Variants in LDB2 observed in about 807,000 individuals in gnomAD.
The protein encoded by LDB2 is LIM domain-binding protein 2.
A neutral mutation model predicts 44.3 loss-of-function variants in LDB2; 12 were observed. That is an observed-to-expected ratio of 0.27 (90% CI 0.17 to 0.44). The LOEUF is 0.44. Among genes scored for constraint, LDB2 ranks in the 20% least tolerant of loss-of-function variants. The pLI, the probability that LDB2 is intolerant of heterozygous loss-of-function variation, is 1.00. For synonymous variants in LDB2, 164 were observed against 174.8 expected, an observed-to-expected ratio of 0.94 and a Z score of 0.49; for missense variants, 344 against 473.5, an observed-to-expected ratio of 0.73 and a Z score of 2.54.
intron 1 of LDB2, among the ~76,000 whole-genome samples, chr4:16,881,584 G>A (rs975224850): frequency 1.4e-5 from 2 of 145,586 alleles, no homozygotes; most frequent in Admixed American, 7.1e-5. Context: ...ACTGTCATTC[G>A]GGGAGGGGAA....
rs1560285238 is a variant in LDB2 at position 16,502,321 on chromosome 4, T to C, written c.*322A>G. The C allele has an allele frequency of 3.3e-6, 1 of 303,778 alleles. No homozygotes were observed. The highest frequency in any genetic ancestry group is 6.2e-6 in the Non-Finnish European group (1 of 160,238). 18.8% of individuals were successfully genotyped at this position (303,778 alleles called of 1,614,324 possible). The stretch of plus-strand genomic sequence containing the variant: ...GACAATATGGCCTTCGTTTGATGCA[T>C]AAAAAGGAAATTCAACACAAACACG... On this transcript the variant is annotated 3_prime_UTR_variant, in exon 8 of 8. Coordinates refer to ENST00000304523, the MANE Select transcript of LDB2 (RefSeq NM_001290.5).
chr4:16,814,342 A>C (rs1780516789), intron 1 of LDB2, among the ~76,000 whole-genome samples: 1 of 152,212 alleles, frequency 6.6e-6, no homozygotes. Context: ...ACCTAGATTC[A>C]GACAGTTGGA....
intron 2 of LDB2, among the ~76,000 whole-genome samples, chr4:16,680,181 A>T (rs929196259): frequency 1.3e-5 from 2 of 152,168 alleles, no homozygotes; most frequent in Non-Finnish European, 2.9e-5. Context: ...ATCCTTCTGA[A>T]AATCCTTGCC....
rs138213117 is a variant in LDB2, at chr4:16,803,183, C to A, written c.133-43923G>T. Among the ~76,000 whole-genome samples, 428 of 152,260 alleles carry A rather than the reference C, an allele frequency of 2.8e-3. 2 individuals are homozygous for A. Among genetic ancestry groups the A allele is most frequent in the Admixed American group, 4.2e-3 (64 of 15,294 alleles). On this transcript the variant is annotated intron_variant, in intron 1 of 7. Coordinates refer to ENST00000304523, the MANE Select transcript of LDB2 (RefSeq NM_001290.5). Reference sequence around the variant, plus strand: ...TAAATTTAGATTTAGAACTCACTGACCCTAGTTTGTTGGTTTCTTTTACCG... The same window carrying A: ...TAAATTTAGATTTAGAACTCACTGAACCTAGTTTGTTGGTTTCTTTTACCG...
chr4:16,785,700 G>A (rs1184807709), intron 1 of LDB2, among the ~76,000 whole-genome samples: 2 of 152,148 alleles, frequency 1.3e-5, no homozygotes, highest in Non-Finnish European at 2.9e-5. Flanking sequence ...TGGCTGGCAG[G>A]CTCACACTCC....
Position 16,763,592 on chromosome 4 carries a change from G to A in LDB2, c.133-4332C>T, listed in dbSNP as rs116779473. Among the ~76,000 whole-genome samples the A allele has an allele frequency of 3.6e-3, 555 of 152,292 alleles. 2 individuals carry two copies. The highest frequency in any genetic ancestry group is 5.4e-3 in the Non-Finnish European group (369 of 68,028). ...AGTGTTGGGTATAGGCCATTCTTGT[G>A]TTGGCTGTATATGAAGGAAGCTTAT... On this transcript the variant is annotated intron_variant, in intron 1 of 7. Transcript: ENST00000304523.
At chr4:16,524,044 G>A (rs1362490439) in intron 5 of LDB2, among the ~76,000 whole-genome samples, 1 of 152,158 alleles carries the variant, frequency 6.6e-6, no homozygotes, top group Non-Finnish European at 1.5e-5. Flanking sequence ...CCAAGCAATA[G>A]GTCTGATGTT....
intron 5 of LDB2, among the ~76,000 whole-genome samples, chr4:16,515,667 A>AT (rs1285823288): frequency 4.0e-5 from 6 of 151,754 alleles, no homozygotes; most frequent in African/African-American, 9.7e-5. Context: ...ATTTTAGAGT[A>AT]TTTTTTTTAG....
intron 2 of LDB2, among the ~76,000 whole-genome samples, chr4:16,717,117 A>C (rs1757212563): frequency 6.6e-6 from 1 of 151,770 alleles, no homozygotes; most frequent in Non-Finnish European, 1.5e-5. Flanking sequence ...AAATCCATCC[A>C]TAGTAGCTTT....
intron 2 of LDB2, among the ~76,000 whole-genome samples, chr4:16,674,639 A>C (rs1745765065): frequency 6.6e-6 from 1 of 152,190 alleles, no homozygotes; most frequent in Admixed American, 6.5e-5. Flanking sequence ...GGATTCAAAC[A>C]CTGGTCCGTC....
At chr4:16,719,104 C>T (rs2152678764) in intron 2 of LDB2, among the ~76,000 whole-genome samples, 1 of 151,618 alleles carries the variant, frequency 6.6e-6, no homozygotes, top group South Asian at 2.1e-4. Context: ...AACCTATTTT[C>T]TACTCAGTGG....
chr4:16,828,521 G>A (rs1355662363), intron 1 of LDB2, among the ~76,000 whole-genome samples: 3 of 152,202 alleles, frequency 2.0e-5, no homozygotes, highest in African/African-American at 7.2e-5. Flanking sequence ...GAGGTACACA[G>A]TCCATGAGCA....
At chr4:16,538,137 C>T (rs1732487176) in intron 5 of LDB2, among the ~76,000 whole-genome samples, 1 of 152,118 alleles carries the variant, frequency 6.6e-6, no homozygotes, top group Non-Finnish European at 1.5e-5. Flanking sequence ...TGGCTCATGT[C>T]CTGGGACTTC....
intron 1 of LDB2, among the ~76,000 whole-genome samples, chr4:16,892,152 T>G (rs1163620347): frequency 6.6e-6 from 1 of 152,196 alleles, no homozygotes; most frequent in Non-Finnish European, 1.5e-5. Flanking sequence ...GTATATACCT[T>G]TCACTACAGG....
chr4:16,520,207 G>A (rs531841117), intron 5 of LDB2, among the ~76,000 whole-genome samples: 27 of 152,020 alleles, frequency 1.8e-4, no homozygotes, highest in South Asian at 8.3e-4. Flanking sequence ...TGATGGGGGT[G>A]GGGGGAGATT....
intron 1 of LDB2, among the ~76,000 whole-genome samples, chr4:16,795,772 C>T (rs1776617335): frequency 6.6e-6 from 1 of 152,148 alleles, no homozygotes; most frequent in Non-Finnish European, 1.5e-5. Context: ...CCTGTAGGAC[C>T]AGTACATAAT....
At chr4:16,799,557 C>A (rs1165155275) in intron 1 of LDB2, among the ~76,000 whole-genome samples, 1 of 152,236 alleles carries the variant, frequency 6.6e-6, no homozygotes, top group Non-Finnish European at 1.5e-5. Flanking sequence ...TAGGTTCCTG[C>A]CAACCTGTAA....
Position 16,508,529 on chromosome 4 carries a change from A to T in LDB2, c.891+6T>A, listed in dbSNP as rs1720476683. 5 of 1,554,090 alleles carry T rather than the reference A, an allele frequency of 3.2e-6. No homozygotes were observed. The highest frequency in any genetic ancestry group is 4.4e-6 in the Non-Finnish European group (5 of 1,145,678). On this transcript the variant is annotated splice_donor_region_variant and intron_variant, in intron 7 of 7. Coordinates refer to ENST00000304523, the MANE Select transcript of LDB2 (RefSeq NM_001290.5). ...ATTTCGGGCCTAAGAGGAAAGCGAG[A>T]CTTACAGGTACCTGACTGGACAGAC... is the stretch of plus-strand genomic sequence containing the variant.
chr4:16,763,073 CCACACACACACACA>C lies in LDB2; in HGVS notation c.133-3827_133-3814del, dbSNP rs57168902. On this transcript the variant is annotated intron_variant, in intron 1 of 7. Transcript: ENST00000304523. ...GGGAGAATGGGCACATTAGGTAACA[CCACACACACACACA>C]CACACACACACACACACACACACAC... Among the ~76,000 whole-genome samples the C allele has an allele frequency of 5.1e-3, 719 of 140,218 alleles. 6 individuals are homozygous for C. Among genetic ancestry groups the C allele is most frequent in the African/African-American group, 0.015 (565 of 38,004 alleles). 92.0% of individuals were successfully genotyped at this position (140,218 alleles called of 152,430 possible).
Sources: gnomAD v4.1 joint callset for allele counts (sites outside exome capture counted in the v4.1 genomes callset) on GRCh38, gnomAD v4.1.1 for gene constraint, MANE v1.5 for transcripts, NCBI Gene and HGNC (gene_info 2026-07-23, HGNC 2026-07-21) for gene names.